DNMT1: variants seen among roughly 807,000 people sequenced by gnomAD.
The protein encoded by DNMT1 is DNA (cytosine-5)-methyltransferase 1.
A neutral mutation model predicts 205.3 loss-of-function variants in DNMT1; 24 were observed. The observed-to-expected ratio is 0.12, with a 90% CI of 0.08 to 0.16. The LOEUF (loss-of-function observed/expected upper bound fraction) is 0.16, where lower values mean the gene tolerates loss of function less well. Among genes scored for constraint, DNMT1 ranks in the 10% least tolerant of loss-of-function variants. The probability of loss-of-function intolerance (pLI) is 1.00; values close to 1 mark genes in which losing one functional copy is unlikely to be tolerated. For missense variants in DNMT1, 1,293 were observed against 2,177.7 expected, an observed-to-expected ratio of 0.59 and a Z score of 8.09; for synonymous variants, 817 against 839.8, an observed-to-expected ratio of 0.97 and a Z score of 0.47.
intron 29 of DNMT1, among the ~76,000 whole-genome samples, chr19:10,143,223 G>GT (rs1362618431): frequency 6.6e-6 from 1 of 152,128 alleles, no homozygotes; most frequent in Non-Finnish European, 1.5e-5. Context: ...CACTCTACCC[G>GT]TTTTTTCTTT....
At chr19:10,170,787 GTTTT>G (rs1420117581) in intron 9 of DNMT1, among the ~76,000 whole-genome samples, 1 of 151,674 alleles carries the variant, frequency 6.6e-6, no homozygotes, top group African/African-American at 2.4e-5. Context: ...TTGTTTGTTT[GTTTT>G]GTTTGTTTGT....
chr19:10,133,569 CCA>C lies in DNMT1; in HGVS notation c.*96_*97del. 1 of 1,408,266 alleles carries C rather than the reference CCA, an allele frequency of 7.1e-7. No individual in the cohort carries two copies. The highest frequency in any genetic ancestry group is 9.8e-7 in the Non-Finnish European group (1 of 1,017,802). 87.2% of individuals were successfully genotyped at this position (1,408,266 alleles called of 1,614,324 possible). On this transcript the variant is annotated 3_prime_UTR_variant, in exon 41 of 41. Transcript: ENST00000359526. This position sits in a 1 kb window ranked among gnomAD's most constrained non-coding sequence, Gnocchi z 4.1. ...CAGCCAAGGCCACAAACACCATGTA[CCA>C]CACATGTGAACGGACAGATTGACAT...
chr19:10,164,017 A>G (rs937069329), intron 11 of DNMT1, among the ~76,000 whole-genome samples: 15 of 152,298 alleles, frequency 9.8e-5, no homozygotes, highest in African/African-American at 3.6e-4. Context: ...TCACTGCAGG[A>G]AGCCCAGAGG....
At chr19:10,149,063 C>G (rs1434509895) in intron 26 of DNMT1, 46 bp from the exon 27 acceptor site, 3 of 1,610,198 alleles carry the variant, frequency 1.9e-6, no homozygotes, top group Non-Finnish European at 2.5e-6. Context: ...GTGGCTCATG[C>G]CTGTATTCCC....
intron 9 of DNMT1, 107 bp downstream of exon 9, chr19:10,172,983 T>C (rs2038851845): frequency 1.5e-6 from 2 of 1,316,038 alleles, no homozygotes; most frequent in African/African-American, 1.4e-5. Flanking sequence ...GCAAAACCCA[T>C]CTTGTTCTTC....
intron 7 of DNMT1, 31 bp downstream of exon 7, chr19:10,175,509 T>C (rs2038923029): frequency 2.5e-6 from 4 of 1,612,118 alleles, no homozygotes; most frequent in Non-Finnish European, 3.4e-6. Flanking sequence ...CAAGTTAAGG[T>C]AGAGTCAGGA....
intron 27 of DNMT1, among the ~76,000 whole-genome samples, chr19:10,148,647 C>T (rs2038259498): frequency 6.6e-6 from 1 of 152,140 alleles, no homozygotes; most frequent in Admixed American, 6.5e-5. Context: ...CAAGACGAAC[C>T]CTGTTCCTGG....
intron 5 of DNMT1, 82 bp downstream of exon 5, chr19:10,180,105 G>C (rs976448186): frequency 1.9e-6 from 1 of 536,608 alleles, no homozygotes; most frequent in Non-Finnish European, 3.3e-6. Context: ...CTTGAGGTCA[G>C]GAGTTCTGGA....
At position 10,135,616 on chromosome 19, in the gene DNMT1, G is replaced by A. The variant is rs1341561983; in HGVS notation, c.4773+120C>T. 3 of 1,046,096 alleles carry A rather than the reference G, an allele frequency of 2.9e-6. No individual in the cohort carries two copies. In the East Asian group the frequency reaches 7.8e-5, roughly 27 times the overall value. The allele number at this position is 1,046,096 out of a possible 1,614,324, so 64.8% of individuals were successfully genotyped here. ...GGCCGTCTTCCCACTGAGAGTGATGGGGCTACCCGGCAGCCAGCAGGCGTC... is the reference window on the plus strand; with the variant it reads ...GGCCGTCTTCCCACTGAGAGTGATGAGGCTACCCGGCAGCCAGCAGGCGTC... On this transcript the variant is annotated intron_variant, in intron 39 of 40. Coordinates refer to ENST00000359526, the MANE Select transcript of DNMT1 (RefSeq NM_001130823.3).
intron 5 of DNMT1, among the ~76,000 whole-genome samples, chr19:10,177,933 T>TAAA (rs937561804): frequency 6.1e-5 from 7 of 115,032 alleles, no homozygotes; most frequent in South Asian, 2.7e-4. Flanking sequence ...CCCTGTCTCT[T>TAAA]AAAAAAAAAA....
intron 4 of DNMT1, 48 bp from the exon 5 acceptor site, chr19:10,180,282 A>G (rs1325258026): frequency 1.3e-6 from 2 of 1,576,700 alleles, no homozygotes; most frequent in Non-Finnish European, 1.7e-6. Context: ...ACTGTGCTCC[A>G]GACTGGGCAA....
rs766196816 is a variant in DNMT1, at chr19:10,142,231, G to A, written c.3117-11C>T. The A allele has an allele frequency of 1.2e-6, 2 of 1,613,854 alleles. No individual in the cohort carries two copies. The highest frequency in any genetic ancestry group is 1.7e-6 in the Non-Finnish European group (2 of 1,180,024). On this transcript the variant is annotated splice_polypyrimidine_tract_variant and intron_variant, in intron 29 of 40. Coordinates refer to ENST00000359526, the MANE Select transcript of DNMT1 (RefSeq NM_001130823.3). Reference sequence around the variant, plus strand: ...TGGGTGTTCTCAGGCCTGCGAGCGGGAGAGGCCTCGTTAGGAGCTCTCCTT... The same window carrying A: ...TGGGTGTTCTCAGGCCTGCGAGCGGAAGAGGCCTCGTTAGGAGCTCTCCTT...
chr19:10,188,787 A>C (rs2039243769), intron 1 of DNMT1, among the ~76,000 whole-genome samples: 1 of 152,164 alleles, frequency 6.6e-6, no homozygotes, highest in Non-Finnish European at 1.5e-5. Flanking sequence ...CAACCCGCAA[A>C]TGCTGACTTT....
In DNMT1 at chr19:10,151,175, G is replaced by A. The variant is rs1177520495; in HGVS notation, c.2265+223C>T. ...GAACTGTGTCAAATGCCCATTTTGG[G>A]ACATTAGGAGAACTGAGCCTTGTGG... On this transcript the variant is annotated intron_variant, in intron 24 of 40. Coordinates refer to ENST00000359526, the MANE Select transcript of DNMT1 (RefSeq NM_001130823.3). This position sits in a 1 kb window ranked among gnomAD's most constrained non-coding sequence, Gnocchi z 5.0. Among the ~76,000 whole-genome samples, 1 of 152,146 alleles carries A rather than the reference G, an allele frequency of 6.6e-6. No individual in the cohort carries two copies. The highest frequency in any genetic ancestry group is 1.5e-5 in the Non-Finnish European group (1 of 68,040).
In DNMT1 at chr19:10,133,779, T is replaced by C. The variant is rs1419547307; in HGVS notation, c.4865-78A>G. Reference sequence around the variant, plus strand: ...CCACTTGACAGGCGAGTAACAGACATGGACCATCAGGAAACATTAACGTAC... The same window carrying C: ...CCACTTGACAGGCGAGTAACAGACACGGACCATCAGGAAACATTAACGTAC... On this transcript the variant is annotated intron_variant, in intron 40 of 40. Transcript: ENST00000359526. The surrounding 1 kb of genome is among the most constrained non-coding windows in gnomAD (Gnocchi z 4.1). The C allele has an allele frequency of 6.2e-6, 9 of 1,456,988 alleles. No individual in the cohort carries two copies. Among genetic ancestry groups the C allele is most frequent in the South Asian group, 1.2e-5 (1 of 82,202 alleles). 90.3% of individuals were successfully genotyped at this position (1,456,988 alleles called of 1,614,324 possible). A position where few individuals can be genotyped will look rare whatever the true frequency, so the allele number is the denominator to read the frequency against.
intron 11 of DNMT1, among the ~76,000 whole-genome samples, chr19:10,165,566 T>C (rs2038673378): frequency 6.6e-6 from 1 of 152,096 alleles, no homozygotes; most frequent in African/African-American, 2.4e-5. Flanking sequence ...CTAATTTTTA[T>C]ATTTTTAGGT....
At chr19:10,179,126 CAAAAA>C (rs1000467616) in intron 5 of DNMT1, among the ~76,000 whole-genome samples, 4 of 65,046 alleles carry the variant, frequency 6.1e-5, no homozygotes, top group Middle Eastern at 0.014. Flanking sequence ...GACTCCATCT[CAAAAA>C]AAAAAAAAAA....
intron 11 of DNMT1, 128 bp from the exon 12 acceptor site, chr19:10,163,488 C>T (rs1382840840): frequency 4.1e-6 from 4 of 965,362 alleles, no homozygotes; most frequent in Admixed American, 3.6e-5. Context: ...AGCTGGAAGA[C>T]AGGCAGGCCT....
chr19:10,134,138 C>T (rs1322351805), intron 40 of DNMT1, 79 bp downstream of exon 40: 41 of 1,519,764 alleles, frequency 2.7e-5, no homozygotes, highest in Admixed American at 1.2e-4. Context: ...GAGCCCAAAA[C>T]GGTGGCCAGC....
Sources: gnomAD v4.1 joint callset for allele counts (sites outside exome capture counted in the v4.1 genomes callset) on GRCh38, gnomAD v4.1.1 for gene constraint, Gnocchi (gnomAD v3.1) non-coding constraint, MANE v1.5 for transcripts, NCBI Gene and HGNC (gene_info 2026-07-23, HGNC 2026-07-21) for gene names.